Variants in MYO5B observed in about 807,000 individuals in gnomAD.
The protein encoded by MYO5B is myosin VB.
A neutral mutation model predicts 229.3 loss-of-function variants in MYO5B; 143 were observed. That is an observed-to-expected ratio of 0.62 (90% CI 0.54 to 0.72). MYO5B has a LOEUF of 0.72. Among genes scored for constraint, MYO5B ranks in the 30% least tolerant of loss-of-function variants. The pLI, the probability that MYO5B is intolerant of heterozygous loss-of-function variation, is 0.00. For missense variants in MYO5B, 2,321 were observed against 2,331.0 expected (o/e 1.00, Z 0.09); for synonymous variants, 918 against 885.2 (o/e 1.04, Z -0.66).
intron 31 of MYO5B, among the ~76,000 whole-genome samples, chr18:49,852,322 G>T (rs1463136740): frequency 6.6e-6 from 1 of 152,212 alleles, no homozygotes; most frequent in East Asian, 1.9e-4. Context: ...CCTCTACCTG[G>T]CAGAAGCTGG....
In MYO5B at chr18:49,912,337, C is replaced by T. The variant is rs141172585; in HGVS notation, c.2091-164G>A. On this transcript the variant is annotated intron_variant, in intron 17 of 39. Coordinates refer to ENST00000285039, the MANE Select transcript of MYO5B (RefSeq NM_001080467.3). ...AGGGGAGTTTTGTCCTCCCCAGTGC[C>T]CTCCAAGAATTTCACTGTGAATGTG... Among the ~76,000 whole-genome samples, 6 of 152,212 alleles carry T rather than the reference C, an allele frequency of 3.9e-5. No individual in the cohort carries two copies. The East Asian group carries it at 1.2e-3, about 29-fold the overall frequency.
chr18:50,185,539 G>C (rs974984003), intron 1 of MYO5B, among the ~76,000 whole-genome samples: 4 of 152,162 alleles, frequency 2.6e-5, no homozygotes, highest in African/African-American at 9.7e-5. Context: ...GATCTTGAAT[G>C]TTTCTAATGC....
At chr18:50,137,042 A>T (rs2032347401) in intron 1 of MYO5B, among the ~76,000 whole-genome samples, 4 of 152,206 alleles carry the variant, frequency 2.6e-5, no homozygotes, top group African/African-American at 9.6e-5. Flanking sequence ...GCTTACTTTT[A>T]TGTCCCTCAT....
At chr18:49,992,146 A>G in intron 6 of MYO5B, 142 bp downstream of exon 6, 1 of 1,199,488 alleles carries the variant, frequency 8.3e-7, no homozygotes, top group Non-Finnish European at 1.2e-6. Context: ...TACTGATAAA[A>G]GATAAGAACC....
intron 31 of MYO5B, chr18:49,850,583 C>T (rs1217606): frequency 2.0e-5 from 3 of 152,028 alleles, no homozygotes; most frequent in Non-Finnish European, 4.4e-5. Flanking sequence ...GGCGGCAGAC[C>T]GTAAAACCTT....
In MYO5B at chr18:49,919,105, G is replaced by A. The variant is rs28393316; in HGVS notation, c.2091-6932C>T. 8.5e-3 allele frequency among the ~76,000 whole-genome samples: 1,298 copies of A among 152,306 alleles called. 12 individuals are homozygous for A. Among genetic ancestry groups the A allele is most frequent in the African/African-American group, 0.029 (1,204 of 41,548 alleles). ...CCTTGCCTTCCTCAATGGTCAATGT[G>A]ATCCTTTCAACAAATGGTCCTGGGA... On this transcript the variant is annotated intron_variant, in intron 17 of 39. Transcript: ENST00000285039.
At chr18:49,958,840 C>G (rs2025525121) in intron 12 of MYO5B, among the ~76,000 whole-genome samples, 1 of 152,180 alleles carries the variant, frequency 6.6e-6, no homozygotes, top group African/African-American at 2.4e-5. Context: ...CCTGCCTGGC[C>G]TACCACATGG....
intron 39 of MYO5B, among the ~76,000 whole-genome samples, chr18:49,827,327 G>C (rs945332545): frequency 4.6e-5 from 7 of 152,356 alleles, no homozygotes; most frequent in Admixed American, 4.6e-4. Flanking sequence ...TAGCTGGCCA[G>C]GGTAGGCAGT....
In MYO5B at chr18:49,963,173, T is replaced by G. The variant is rs994259728; in HGVS notation, c.1323-143A>C. On this transcript the variant is annotated intron_variant, in intron 10 of 39. Transcript: ENST00000285039. ...CTCATCTTGTGTTCAGAGAGACCAC[T>G]GTTGCAGAAGTTAGCACTACACAGA... 7 of 739,150 alleles carry G rather than the reference T, an allele frequency of 9.5e-6. No homozygotes were observed. In the African/African-American group the frequency reaches 1.2e-4, roughly 13 times the overall value. 45.8% of individuals were successfully genotyped at this position (739,150 alleles called of 1,614,324 possible).
intron 14 of MYO5B, among the ~76,000 whole-genome samples, chr18:49,938,213 G>C (rs2025272570): frequency 6.6e-6 from 1 of 152,078 alleles, no homozygotes; most frequent in Non-Finnish European, 1.5e-5. Context: ...TCAGAATAGG[G>C]ATAAGCCTAT....
intron 1 of MYO5B, among the ~76,000 whole-genome samples, chr18:50,128,637 G>C (rs546313141): frequency 6.6e-6 from 1 of 152,298 alleles, no homozygotes; most frequent in East Asian, 1.9e-4. Context: ...ACAGCTCGGA[G>C]AGCAGTTCTG....
intron 1 of MYO5B, among the ~76,000 whole-genome samples, chr18:50,172,176 G>A (rs1285929041): frequency 6.6e-6 from 1 of 151,802 alleles, no homozygotes; most frequent in African/African-American, 2.4e-5. Context: ...AACTACTTGG[G>A]AGGCTGAAGG....
chr18:50,172,678 T>C (rs1314480046), intron 1 of MYO5B, among the ~76,000 whole-genome samples: 1 of 152,240 alleles, frequency 6.6e-6, no homozygotes, highest in Non-Finnish European at 1.5e-5. Flanking sequence ...ACATGTATCC[T>C]AGGCACTGGA....
At chr18:49,985,567 A>G (rs1469141050) in intron 7 of MYO5B, among the ~76,000 whole-genome samples, 1 of 152,232 alleles carries the variant, frequency 6.6e-6, no homozygotes, top group Non-Finnish European at 1.5e-5. Flanking sequence ...TGAGCATTTA[A>G]GGCAACAATT....
intron 14 of MYO5B, among the ~76,000 whole-genome samples, chr18:49,949,188 C>T (rs2025406031): frequency 6.6e-6 from 1 of 152,134 alleles, no homozygotes; most frequent in South Asian, 2.1e-4. Flanking sequence ...AACACGTGAC[C>T]CACAGCTTGT....
In MYO5B at chr18:49,906,605, C is replaced by T. The variant is rs368212890; in HGVS notation, c.2228G>A (p.Arg743His). Residue 743 changes from arginine to histidine, a missense_variant, in exon 19 of 40, where the codon CGC becomes CAC. This residue lies in a region of MYO5B where 2,113 missense variants were observed against 2,044.7 expected (regional missense o/e 1.03). Coordinates refer to ENST00000285039, the MANE Select transcript of MYO5B (RefSeq NM_001080467.3). ...GCCTGCTCGAAAGAAGATCTTGGTG[C>T]GGCCAAACTGGAACTTGTCGGGGTC... is the stretch of plus-strand genomic sequence containing the variant. ...IKDPDKFQFG[R>H]TKIFFRAGQV... 1.0e-3 allele frequency: 1,639 copies of T among 1,613,992 alleles called. 24 individuals carry two copies. In the South Asian group the frequency reaches 0.015, roughly 14 times the overall value.
intron 18 of MYO5B, among the ~76,000 whole-genome samples, chr18:49,908,308 C>T (rs1174180295): frequency 6.6e-6 from 1 of 152,206 alleles, no homozygotes; most frequent in African/African-American, 2.4e-5. Flanking sequence ...CCCAGATCTG[C>T]TTCCTCTAAC....
rs764712007 is a variant in MYO5B, at chr18:49,980,531, C to T, written c.969G>A (p.Met323Ile). 16 of 1,612,982 alleles carry T rather than the reference C, an allele frequency of 9.9e-6. No homozygotes were observed. In the South Asian group the frequency reaches 1.5e-4, roughly 15 times the overall value. ...TLLGVKESHQ[M>I]SIFKIIASIL... ...TAGAAGCAATTATCTTAAAAATGCT[C>T]ATCTGATGGGACTCTTTCACTCCTG... The change falls in exon 9 of 40, where the codon ATG becomes ATA. Residue 323 changes from methionine to isoleucine, a missense_variant. Met to Ile is a conservative substitution (Grantham distance 10). This residue lies in a region of MYO5B where 2,113 missense variants were observed against 2,044.7 expected (regional missense o/e 1.03). Coordinates refer to ENST00000285039, the MANE Select transcript of MYO5B (RefSeq NM_001080467.3).
chr18:49,967,025 G>T (rs942309759), intron 10 of MYO5B, among the ~76,000 whole-genome samples: 7 of 152,144 alleles, frequency 4.6e-5, no homozygotes, highest in Non-Finnish European at 1.0e-4. Flanking sequence ...GTGTCACAAA[G>T]AAATTTATAT....
Sources: gnomAD v4.1 joint callset for allele counts (sites outside exome capture counted in the v4.1 genomes callset) on GRCh38, gnomAD v4.1.1 for gene constraint, gnomAD v4.1.1 regional missense constraint, MANE v1.5 for transcripts, NCBI Gene and HGNC (gene_info 2026-07-23, HGNC 2026-07-21) for gene names.